Variants in CERS4 observed in about 807,000 individuals in gnomAD.
CERS4 encodes ceramide synthase 4, also known as LAG1 homolog, ceramide synthase 4.
CERS4 carries 65 observed loss-of-function variants against 51.8 expected under a neutral mutation model. The ratio of observed to expected loss-of-function variants is 1.26; its 90% CI spans 1.03 to 1.54. The LOEUF is 1.54. Among genes scored for constraint, CERS4 ranks in the 40% most tolerant of loss-of-function variants. The pLI, the probability that CERS4 is intolerant of heterozygous loss-of-function variation, is 0.00. For missense variants in CERS4, 563 were observed against 500.4 expected (o/e 1.13, Z -1.19); for synonymous variants, 228 against 208.4 (o/e 1.09, Z -0.81).
rs780461919 is a variant in CERS4 at position 8,261,745 on chromosome 19, C to T, written c.906C>T (p.Tyr302=). Residue 302 remains tyrosine (Y), a synonymous_variant, in exon 11 of 12, where the codon TAC becomes TAT. Transcript: ENST00000251363. ...GCAACAGGGGCCCCTTCTTCGGCTACTACTTCTTCAACGGGCTTCTGATGT... is the reference window on the plus strand; with the variant it reads ...GCAACAGGGGCCCCTTCTTCGGCTATTACTTCTTCAACGGGCTTCTGATGT... ...SISNRGPFFG[Y]YFFNGLLMLL... The T allele has an allele frequency of 3.1e-6, 5 of 1,614,168 alleles. No homozygotes were observed. The East Asian group carries it at 1.1e-4, about 36-fold the overall frequency.
intron 2 of CERS4, among the ~76,000 whole-genome samples, chr19:8,243,198 A>T (rs1260310581): frequency 7.7e-5 from 3 of 38,864 alleles, no homozygotes; most frequent in Middle Eastern, 8.8e-3. Context: ...TGTCTCTAAA[A>T]AAAAAAAAAA....
intron 2 of CERS4, among the ~76,000 whole-genome samples, chr19:8,238,243 CA>C (rs1968362143): frequency 6.6e-6 from 1 of 152,106 alleles, no homozygotes; most frequent in South Asian, 2.1e-4. Context: ...TTGAATACTC[CA>C]ACCTCCAGGG....
intron 2 of CERS4, among the ~76,000 whole-genome samples, chr19:8,231,697 C>T (rs534014961): frequency 2.6e-5 from 4 of 151,212 alleles, no homozygotes; most frequent in East Asian, 3.9e-4. Flanking sequence ...TACAGATGCC[C>T]GCCACCATGC....
At chr19:8,230,638 G>A (rs1967971160) in intron 2 of CERS4, among the ~76,000 whole-genome samples, 1 of 152,102 alleles carries the variant, frequency 6.6e-6, no homozygotes, top group South Asian at 2.1e-4. Flanking sequence ...AAAGTGTTGT[G>A]CAACCATTAC....
chr19:8,247,691 A>G (rs1336365690), intron 2 of CERS4, among the ~76,000 whole-genome samples: 1 of 147,474 alleles, frequency 6.8e-6, no homozygotes, highest in African/African-American at 2.5e-5. Context: ...AAGTGTTGGG[A>G]TTACAGGCAT....
At chr19:8,225,312 C>T (rs1283819217) in intron 2 of CERS4, among the ~76,000 whole-genome samples, 2 of 151,586 alleles carry the variant, frequency 1.3e-5, no homozygotes, top group South Asian at 2.1e-4. Flanking sequence ...TGGGAGGCTG[C>T]GACTGATGGC....
At chr19:8,250,967 C>T (rs529709134) in intron 2 of CERS4, 109 bp from the exon 3 acceptor site, 73 of 1,481,082 alleles carry the variant, frequency 4.9e-5, no homozygotes, top group African/African-American at 2.7e-4. Flanking sequence ...TTGTCAACTG[C>T]GCTGATAGGG....
chr19:8,259,422 C>T (rs1969562440), intron 10 of CERS4, among the ~76,000 whole-genome samples: 1 of 152,028 alleles, frequency 6.6e-6, no homozygotes, highest in Non-Finnish European at 1.5e-5. Context: ...GTAGGCCGTG[C>T]AGGTCCTTGA....
chr19:8,238,496 G>A (rs1455866930), intron 2 of CERS4: 1 of 985,206 alleles, frequency 1.0e-6, no homozygotes, highest in Non-Finnish European at 1.2e-6. Flanking sequence ...CATCTGGATG[G>A]CATGGGGCTG....
intron 2 of CERS4, among the ~76,000 whole-genome samples, chr19:8,216,519 G>A (rs2145164675): frequency 6.6e-6 from 1 of 151,898 alleles, no homozygotes; most frequent in East Asian, 1.9e-4. Context: ...GCTCATGCCT[G>A]TAATCCCAGC....
intron 2 of CERS4, chr19:8,241,211 G>T (rs958709672): frequency 6.6e-6 from 1 of 152,216 alleles, no homozygotes; most frequent in African/African-American, 2.4e-5. Flanking sequence ...GGGCTTGGAA[G>T]AACCATCTAG....
Position 8,262,076 on chromosome 19 carries a change from G to T in CERS4, c.1152G>T (p.Gly384=). ...ATGGCCCTCGGAGCCGGGTGGCCGG[G>T]CGTCTGACCAACAGGCACACAACAG... ...PTDGPRSRVA[G]RLTNRHTTAT The change falls in exon 12 of 12, where the codon GGG becomes GGT. Residue 384 remains glycine, a synonymous_variant. Coordinates refer to ENST00000251363, the MANE Select transcript of CERS4 (RefSeq NM_024552.3). 1 of 1,519,660 alleles carries T rather than the reference G, an allele frequency of 6.6e-7. No homozygotes were observed. Among genetic ancestry groups the T allele is most frequent in the Non-Finnish European group, 8.8e-7 (1 of 1,138,264 alleles). 94.1% of individuals were successfully genotyped at this position (1,519,660 alleles called of 1,614,324 possible).
intron 2 of CERS4, among the ~76,000 whole-genome samples, chr19:8,238,242 C>T (rs1237155652): frequency 1.3e-5 from 2 of 152,128 alleles, no homozygotes; most frequent in Non-Finnish European, 2.9e-5. Context: ...CTTGAATACT[C>T]CAACCTCCAG....
At chr19:8,221,204 A>T (rs1309373388) in intron 2 of CERS4, among the ~76,000 whole-genome samples, 1 of 151,484 alleles carries the variant, frequency 6.6e-6, no homozygotes. Context: ...GCTAGGCTCA[A>T]GCAATCCTCC....
chr19:8,255,763 G>A (rs62124261), intron 5 of CERS4, 38 bp downstream of exon 5: 80,659 of 1,594,964 alleles, frequency 0.051, 2,324 homozygotes, highest in Admixed American at 0.087. Flanking sequence ...GCAGGGAAGC[G>A]GGCCGGGGTG....
chr19:8,216,417 C>T (rs1320741797), intron 2 of CERS4, among the ~76,000 whole-genome samples: 2 of 151,506 alleles, frequency 1.3e-5, no homozygotes, highest in Non-Finnish European at 2.9e-5. Context: ...CCCCCACTGC[C>T]TGACTCCTCA....
At chr19:8,245,126 A>ACAAAC (rs1555777241) in intron 2 of CERS4, among the ~76,000 whole-genome samples, 9 of 148,130 alleles carry the variant, frequency 6.1e-5, no homozygotes, top group South Asian at 4.3e-4. Flanking sequence ...AAAAAAAAAA[A>ACAAAC]AAAAAAAAAC....
intron 2 of CERS4, among the ~76,000 whole-genome samples, chr19:8,236,835 C>G (rs1968282549): frequency 6.6e-6 from 1 of 151,384 alleles, no homozygotes; most frequent in African/African-American, 2.4e-5. Context: ...AACCCCATCT[C>G]TACTAAAAAT....
Position 8,210,360 on chromosome 19 carries a change from G to C in CERS4, c.-158-346G>C, listed in dbSNP as rs887463718. On this transcript the variant is annotated intron_variant, in intron 1 of 11. Transcript: ENST00000251363. The surrounding 1 kb of genome is among the most constrained non-coding windows in gnomAD (Gnocchi z 4.2). ...AGAGTAACATCGTCTAATTCTGTCT[G>C]TTTGCAAGTGGAGCGTGGGGGACCG... 4.6e-5 allele frequency among the ~76,000 whole-genome samples: 7 copies of C among 152,216 alleles called. No individual in the cohort carries two copies. The highest frequency in any genetic ancestry group is 1.0e-4 in the Non-Finnish European group (7 of 68,040).
Sources: gnomAD v4.1 joint callset for allele counts (sites outside exome capture counted in the v4.1 genomes callset) on GRCh38, gnomAD v4.1.1 for gene constraint, Gnocchi (gnomAD v3.1) non-coding constraint, MANE v1.5 for transcripts, NCBI Gene and HGNC (gene_info 2026-07-23, HGNC 2026-07-21) for gene names.